TBR1: variants seen among roughly 807,000 people sequenced by gnomAD.
TBR1 encodes the protein T-box brain protein 1.
In TBR1, 7 loss-of-function variants were observed where a neutral mutation model predicts 60.3. The ratio of observed to expected loss-of-function variants is 0.12; its 90% CI spans 0.07 to 0.22. The LOEUF (loss-of-function observed/expected upper bound fraction) is 0.22. Ranked by LOEUF, TBR1 falls within the 10% of genes least tolerant of loss-of-function variation. The pLI, the probability that TBR1 is intolerant of heterozygous loss-of-function variation, is 1.00. For missense variants in TBR1, 616 were observed against 936.8 expected, an observed-to-expected ratio of 0.66 and a Z score of 4.47; for synonymous variants, 417 against 409.9, an observed-to-expected ratio of 1.02 and a Z score of -0.21.
chr2:161,417,197 G>A lies in TBR1; in HGVS notation c.692+95G>A, dbSNP rs1029907533. 2 of 1,323,234 alleles carry A rather than the reference G, an allele frequency of 1.5e-6. No individual in the cohort carries two copies. The highest frequency in any genetic ancestry group is 5.3e-5 in the Admixed American group (2 of 37,478). 82.0% of individuals were successfully genotyped at this position (1,323,234 alleles called of 1,614,324 possible). On this transcript the variant is annotated intron_variant, in intron 1 of 5. Coordinates refer to ENST00000389554, the MANE Select transcript of TBR1 (RefSeq NM_006593.4). This position sits in a 1 kb window ranked among gnomAD's most constrained non-coding sequence, Gnocchi z 5.3. The stretch of plus-strand genomic sequence containing the variant: ...CCGCGGCAGCGACGATTTGGGGTCG[G>A]GAGCGGAGTGGAAGGCGCCCTAGAG...
In TBR1 at chr2:161,418,222, C is replaced by T; in HGVS notation, c.869C>T (p.Pro290Leu). ...CTAGGAAATCGGGTCTATATGCATC[C>T]GGATTCCCCCAACACTGGGGCTCAC... is the stretch of plus-strand genomic sequence containing the variant. ...NVQGNRVYMH[P>L]DSPNTGAHWM... The change falls in exon 3 of 6, where the codon CCG becomes CTG. Residue 290 changes from proline to leucine, a missense_variant. Transcript: ENST00000389554. 1 of 1,613,222 alleles carries T rather than the reference C, an allele frequency of 6.2e-7. No individual in the cohort carries two copies. Among genetic ancestry groups the T allele is most frequent in the Non-Finnish European group, 8.5e-7 (1 of 1,179,814 alleles).
In TBR1 at chr2:161,416,792, G is replaced by C; in HGVS notation, c.382G>C (p.Gly128Arg). The change falls in exon 1 of 6, where the codon GGC (glycine) becomes CGC (arginine). Residue 128 changes from glycine to arginine, a missense_variant. Around this residue, in one of 8 missense-constraint regions of TBR1, gnomAD observed 211 missense variants for 268.7 expected, o/e 0.79. Transcript: ENST00000389554. This position sits in a 1 kb window ranked among gnomAD's most constrained non-coding sequence, Gnocchi z 6.1. The stretch of plus-strand genomic sequence containing the variant: ...TCCCAGTGCCATGTTCCCGTACCCC[G>C]GCCAGCACGGACCGGCGCACCCCGC... The part of the protein sequence containing the change: ...TAPSAMFPYP[G>R]QHGPAHPAFS... 6.2e-7 allele frequency: 1 copy of C among 1,614,090 alleles called. No individual in the cohort carries two copies. Among genetic ancestry groups the C allele is most frequent in the Non-Finnish European group, 8.5e-7 (1 of 1,180,022 alleles).
intron 5 of TBR1, chr2:161,422,749 T>A (rs1367517798): frequency 6.6e-6 from 1 of 152,226 alleles, no homozygotes; most frequent in Non-Finnish European, 1.5e-5. Context: ...CTTTGGAGGC[T>A]TCCAGCAGCA....
intron 4 of TBR1, 104 bp from the exon 5 acceptor site, chr2:161,420,092 A>G: frequency 1.2e-6 from 1 of 828,856 alleles, no homozygotes; most frequent in Admixed American, 2.8e-5. Context: ...TATTTAATAA[A>G]TTGTAGGCCT....
intron 3 of TBR1, 107 bp downstream of exon 3, chr2:161,418,429 C>A: frequency 7.0e-7 from 1 of 1,424,160 alleles, no homozygotes; most frequent in Non-Finnish European, 9.4e-7. Context: ...CGTTTCTTTG[C>A]TTCATTAAAA....
In TBR1 at chr2:161,417,291, C is replaced by T; in HGVS notation, c.692+189C>T. The T allele has an allele frequency of 9.4e-6, 6 of 637,850 alleles. 1 individual carries two copies. In the South Asian group the frequency reaches 1.3e-4, roughly 14 times the overall value. 39.5% of individuals were successfully genotyped at this position (637,850 alleles called of 1,614,324 possible). A position where few individuals can be genotyped will look rare whatever the true frequency, so the allele number is the denominator to read the frequency against. ...AGGGTGATGTTGGTGGGGGGGACCC[C>T]GTTCTAGGAACATAGTGGGAGAGCC... On this transcript the variant is annotated intron_variant, in intron 1 of 5. Coordinates refer to ENST00000389554, the MANE Select transcript of TBR1 (RefSeq NM_006593.4). This position sits in a 1 kb window ranked among gnomAD's most constrained non-coding sequence, Gnocchi z 5.3.
At chr2:161,422,126 G>A (rs1254204106) in intron 5 of TBR1, 1 of 152,186 alleles carries the variant, frequency 6.6e-6, no homozygotes, top group Non-Finnish European at 1.5e-5. Context: ...ACTCACCAGG[G>A]AATCTCCTCC....
rs772697780 is a variant in TBR1 at position 161,419,064 on chromosome 2, G to A, written c.1128+14G>A. On this transcript the variant is annotated intron_variant, in intron 4 of 5. Coordinates refer to ENST00000389554, the MANE Select transcript of TBR1 (RefSeq NM_006593.4). The stretch of plus-strand genomic sequence containing the variant: ...CAGAACACGGATGTAAGGAGACCTA[G>A]GGGCTGGGGGCGAGGCGGGCGGCAC... 8.1e-6 allele frequency: 13 copies of A among 1,613,742 alleles called. No homozygotes were observed. The highest frequency in any genetic ancestry group is 1.1e-5 in the Non-Finnish European group (13 of 1,179,886).
Position 161,416,721 on chromosome 2 carries a change from G to A in TBR1, c.311G>A (p.Arg104His). Residue 104 changes from arginine to histidine, a missense_variant, in exon 1 of 6, where the codon CGC becomes CAC. Physicochemically the swap from Arg to His is conservative, Grantham distance 29. This residue lies in a region of TBR1 where 211 missense variants were observed against 268.7 expected (regional missense o/e 0.79). Coordinates refer to ENST00000389554, the MANE Select transcript of TBR1 (RefSeq NM_006593.4). The surrounding 1 kb of genome is among the most constrained non-coding windows in gnomAD (Gnocchi z 6.1). The stretch of plus-strand genomic sequence containing the variant: ...AGTTTCGATGGCTCTGCTGCAGATC[G>A]CTACCTCCTCTCTCAGTCCAGCCAG... ...RHSFDGSAAD[R>H]YLLSQSSQPQ... The A allele has an allele frequency of 6.2e-7, 1 of 1,614,044 alleles. No individual in the cohort carries two copies. Among genetic ancestry groups the A allele is most frequent in the South Asian group, 1.1e-5 (1 of 91,074 alleles).
rs983275338 is a variant in TBR1 at position 161,424,444 on chromosome 2, T to C, written c.*217T>C. 3 of 566,882 alleles carry C rather than the reference T, an allele frequency of 5.3e-6. No homozygotes were observed. Among genetic ancestry groups the C allele is most frequent in the Admixed American group, 3.2e-5 (1 of 31,370 alleles). The allele number at this position is 566,882 out of a possible 1,614,324, so 35.1% of individuals were successfully genotyped here. On this transcript the variant is annotated 3_prime_UTR_variant, in exon 6 of 6. Transcript: ENST00000389554. The surrounding 1 kb of genome is among the most constrained non-coding windows in gnomAD (Gnocchi z 4.4). ...CAATTAGCTCACCGACCTTCAACTT[T>C]GCTGTAAACCTTTTGGTTTTCCTAC... is the stretch of plus-strand genomic sequence containing the variant.
chr2:161,423,610 G>A lies in TBR1; in HGVS notation c.1432G>A (p.Ala478Thr). ...LSPQQAEDPGAPSPQRWFVTP... is the reference protein window; with the variant it reads ...LSPQQAEDPGTPSPQRWFVTP... ...GCCGCAGCAGGCCGAGGACCCGGGC[G>A]CGCCCTCGCCGCAACGCTGGTTTGT... is the stretch of plus-strand genomic sequence containing the variant. Residue 478 changes from alanine (A) to threonine (T), a missense_variant, in exon 6 of 6, where the codon GCG becomes ACG. Coordinates refer to ENST00000389554, the MANE Select transcript of TBR1 (RefSeq NM_006593.4). The A allele has an allele frequency of 6.5e-7, 1 of 1,530,172 alleles. No individual in the cohort carries two copies. Among genetic ancestry groups the A allele is most frequent in the South Asian group, 1.2e-5 (1 of 82,180 alleles). The allele number at this position is 1,530,172 out of a possible 1,614,324, so 94.8% of individuals were successfully genotyped here.
Position 161,423,618 on chromosome 2 carries a change from G to A in TBR1, c.1440G>A (p.Ser480=). The change falls in exon 6 of 6, where the codon TCG becomes TCA. Residue 480 remains serine (S), a synonymous_variant. Transcript: ENST00000389554. The stretch of plus-strand genomic sequence containing the variant: ...AGGCCGAGGACCCGGGCGCGCCCTC[G>A]CCGCAACGCTGGTTTGTGACGCCGG... ...PQQAEDPGAP[S]PQRWFVTPAN... 6.5e-7 allele frequency: 1 copy of A among 1,529,596 alleles called. No individual in the cohort carries two copies. The highest frequency in any genetic ancestry group is 8.7e-7 in the Non-Finnish European group (1 of 1,145,736). 94.8% of individuals were successfully genotyped at this position (1,529,596 alleles called of 1,614,324 possible).
At chr2:161,419,111 A>C in intron 4 of TBR1, 61 bp downstream of exon 4, 77 of 1,605,722 alleles carry the variant, frequency 4.8e-5, no homozygotes, top group Middle Eastern at 1.7e-4. Context: ...CCACCCTCTC[A>C]CATTCTCCCG....
At position 161,417,240 on chromosome 2, in the gene TBR1, G is replaced by A. The variant is rs957002005; in HGVS notation, c.692+138G>A. On this transcript the variant is annotated intron_variant, in intron 1 of 5. Transcript: ENST00000389554. This position sits in a 1 kb window ranked among gnomAD's most constrained non-coding sequence, Gnocchi z 5.3. ...CCCTAGAGTTGGCTAGTTTTGGAAAGGGGGAAAGTGGAAGGGATAACCGCC... is the reference window on the plus strand; with the variant it reads ...CCCTAGAGTTGGCTAGTTTTGGAAAAGGGGAAAGTGGAAGGGATAACCGCC... 1.1e-5 allele frequency: 10 copies of A among 873,356 alleles called. No homozygotes were observed. The African/African-American group carries it at 1.7e-4, about 15-fold the overall frequency. 54.1% of individuals were successfully genotyped at this position (873,356 alleles called of 1,614,324 possible).
intron 5 of TBR1, 72 bp downstream of exon 5, chr2:161,420,329 T>C (rs1684208180): frequency 7.9e-7 from 1 of 1,272,502 alleles, no homozygotes; most frequent in Non-Finnish European, 1.1e-6. Flanking sequence ...TATTATTATG[T>C]ACAAGGATTT....
chr2:161,423,241 A>G, intron 5 of TBR1, 128 bp from the exon 6 acceptor site: 1 of 615,504 alleles, frequency 1.6e-6, no homozygotes, highest in African/African-American at 1.9e-5. Context: ...CCTGGACTGC[A>G]AGTTTGTAGA....
chr2:161,418,974 G>T lies in TBR1; in HGVS notation c.1052G>T (p.Ser351Ile). The T allele has an allele frequency of 6.2e-7, 1 of 1,614,248 alleles. No homozygotes were observed. ...AACGAGGACGGCACGGAGGACACTAGCCAGCCCGGCCGCGTGCAGACGTTC... is the reference window on the plus strand; with the variant it reads ...AACGAGGACGGCACGGAGGACACTATCCAGCCCGGCCGCGTGCAGACGTTC... ...EVNEDGTEDT[S>I]QPGRVQTFTF... Residue 351 changes from serine (S) to isoleucine (I), a missense_variant, in exon 4 of 6, where the codon AGC becomes ATC. Physicochemically the swap from Ser to Ile is moderately radical, Grantham distance 142. Coordinates refer to ENST00000389554, the MANE Select transcript of TBR1 (RefSeq NM_006593.4).
rs915987210 is a variant in TBR1 at position 161,417,925 on chromosome 2, C to T, written c.847+95C>T. ...GGACTGGCTCGAGCGACTTTTAAAA[C>T]GATCGGCCAATGACTTCTAAAAGGA... On this transcript the variant is annotated intron_variant, in intron 2 of 5. Coordinates refer to ENST00000389554, the MANE Select transcript of TBR1 (RefSeq NM_006593.4). The surrounding 1 kb of genome is among the most constrained non-coding windows in gnomAD (Gnocchi z 5.3). 1 of 1,497,986 alleles carries T rather than the reference C, an allele frequency of 6.7e-7. No homozygotes were observed. The allele number at this position is 1,497,986 out of a possible 1,614,324, so 92.8% of individuals were successfully genotyped here.
At chr2:161,423,108 G>A in intron 5 of TBR1, 3 of 367,742 alleles carry the variant, frequency 8.2e-6, no homozygotes, top group Non-Finnish European at 1.5e-5. Flanking sequence ...GAAGAGGGAA[G>A]TCGTTCCCTT....
Sources: gnomAD v4.1 joint callset for allele counts on GRCh38, gnomAD v4.1.1 for gene constraint, gnomAD v4.1.1 regional missense constraint, Gnocchi (gnomAD v3.1) non-coding constraint, MANE v1.5 for transcripts, NCBI Gene and HGNC (gene_info 2026-07-23, HGNC 2026-07-21) for gene names.